The following INO80 variants were observed in gnomAD, a reference collection of about 807,000 sequenced individuals.
INO80 encodes the protein INO80 complex ATPase subunit.
Under a neutral mutation model 203.4 loss-of-function variants are expected in INO80, and 20 were observed. The observed-to-expected ratio is 0.10, with a 90% CI of 0.07 to 0.14. The LOEUF is 0.14. Ranked by LOEUF, INO80 falls within the 10% of genes least tolerant of loss-of-function variation. INO80 has a pLI of 1.00. For missense variants in INO80, 1,419 were observed against 1,914.4 expected (o/e 0.74, Z 4.83); for synonymous variants, 726 against 685.2 (o/e 1.06, Z -0.93).
At chr15:41,016,314 G>A (rs1279530008) in intron 26 of INO80, 99 bp from the exon 27 acceptor site, 29 of 1,170,478 alleles carry the variant, frequency 2.5e-5, no homozygotes, top group Non-Finnish European at 3.4e-5. Context: ...CTAAAACCAA[G>A]ATGCTTGTCA....
intron 24 of INO80, among the ~76,000 whole-genome samples, chr15:41,034,954 C>T (rs986881047): frequency 3.3e-5 from 5 of 152,038 alleles, no homozygotes; most frequent in African/African-American, 1.2e-4. Context: ...AAATACAGAG[C>T]TTGCAATGAA....
At chr15:41,110,680 C>T (rs998226031) in intron 1 of INO80, among the ~76,000 whole-genome samples, 7 of 152,174 alleles carry the variant, frequency 4.6e-5, no homozygotes, top group African/African-American at 1.7e-4. Flanking sequence ...ATTTGCCTGC[C>T]TTGGTCTCCC....
chr15:41,049,185 C>T (rs2044819884), intron 21 of INO80, 102 bp downstream of exon 21: 2 of 935,590 alleles, frequency 2.1e-6, no homozygotes, highest in Middle Eastern at 2.6e-4. Flanking sequence ...TTAAATGTCT[C>T]ATTGCTGGGA....
At chr15:41,007,775 A>AAAAC (rs1555399032) in intron 27 of INO80, among the ~76,000 whole-genome samples, 1 of 151,666 alleles carries the variant, frequency 6.6e-6, no homozygotes, top group Non-Finnish European at 1.5e-5. Context: ...CAAAAAAAAA[A>AAAAC]AAAACAAGAA....
intron 24 of INO80, among the ~76,000 whole-genome samples, chr15:41,031,201 A>G (rs1461747884): frequency 6.6e-6 from 1 of 152,082 alleles, no homozygotes; most frequent in Non-Finnish European, 1.5e-5. Context: ...AATCTGGTTT[A>G]GTATATGTGA....
At chr15:41,038,018 T>C (rs1377073729) in intron 24 of INO80, among the ~76,000 whole-genome samples, 2 of 137,126 alleles carry the variant, frequency 1.5e-5, no homozygotes, top group Admixed American at 7.2e-5. Context: ...TTTCTTTTTT[T>C]TTTTTTTTTT....
chr15:40,983,096 CAAAAGGGAAAGAAAAAAAAAAAAAGT>C lies in INO80; in HGVS notation c.4238-45_4238-20del. On this transcript the variant is annotated intron_variant, in intron 34 of 35. Transcript: ENST00000648947. ...GAAATTCCTGTGGGAACAAATGGGC[CAAAAGGGAAAGAAAAAAAAAAAAAGT>C]CAATCTCCAAGATGTTAACATCACC... 2.6e-6 allele frequency: 4 copies of C among 1,536,400 alleles called. No individual in the cohort carries two copies. The highest frequency in any genetic ancestry group is 2.7e-6 in the Non-Finnish European group (3 of 1,127,828).
intron 31 of INO80, among the ~76,000 whole-genome samples, chr15:40,986,027 G>A (rs1283798742): frequency 6.6e-6 from 1 of 152,182 alleles, no homozygotes; most frequent in African/African-American, 2.4e-5. Flanking sequence ...GTTTTAGAAG[G>A]TGCTGGCAAA....
intron 28 of INO80, among the ~76,000 whole-genome samples, chr15:41,005,102 CAAG>C (rs1305126855): frequency 7.1e-6 from 1 of 140,572 alleles, no homozygotes; most frequent in African/African-American, 2.6e-5. Context: ...GGCCGAGGCA[CAAG>C]AATTGTTTGA....
intron 18 of INO80, 77 bp downstream of exon 18, chr15:41,055,170 A>C: frequency 1.3e-6 from 1 of 743,824 alleles, no homozygotes; most frequent in Admixed American, 2.5e-5. Flanking sequence ...AAAATTATTC[A>C]AATAAAAGAA....
chr15:41,095,978 A>G, intron 2 of INO80, 50 bp from the exon 3 acceptor site: 1 of 1,550,674 alleles, frequency 6.4e-7, no homozygotes, highest in Non-Finnish European at 8.8e-7. Context: ...AATAAAATAT[A>G]ATTTAAAGTT....
intron 24 of INO80, among the ~76,000 whole-genome samples, chr15:41,043,642 C>T (rs931593008): frequency 6.6e-6 from 1 of 152,168 alleles, no homozygotes; most frequent in Non-Finnish European, 1.5e-5. Flanking sequence ...AAAACTACCC[C>T]ATAACATTTT....
intron 29 of INO80, among the ~76,000 whole-genome samples, chr15:40,993,323 C>T (rs1244608381): frequency 6.6e-6 from 1 of 151,892 alleles, no homozygotes; most frequent in African/African-American, 2.4e-5. Context: ...GAAACTATTC[C>T]TTAAGAAACC....
intron 10 of INO80, 28 bp downstream of exon 10, chr15:41,074,342 T>G (rs1434225013): frequency 1.3e-6 from 2 of 1,522,014 alleles, no homozygotes; most frequent in Admixed American, 4.2e-5. Context: ...AGAGGTAGCC[T>G]TCCTCTAAGT....
chr15:40,983,710 C>T lies in INO80; in HGVS notation c.4237+52G>A. On this transcript the variant is annotated intron_variant, in intron 34 of 35. Transcript: ENST00000648947. ...AATCAGGACCTTACCCACAACCAAA[C>T]CAGTGCTGGGCAGTGGACCAGGCCC... is the stretch of plus-strand genomic sequence containing the variant. 2.6e-6 allele frequency: 4 copies of T among 1,549,250 alleles called. No homozygotes were observed. The South Asian group carries it at 4.5e-5, about 17-fold the overall frequency.
At chr15:41,093,837 C>G (rs1340560888) in intron 4 of INO80, among the ~76,000 whole-genome samples, 1 of 151,016 alleles carries the variant, frequency 6.6e-6, no homozygotes, top group Non-Finnish European at 1.5e-5. Flanking sequence ...AAAGTGAGAC[C>G]CTGTCTCAAA....
At chr15:41,050,272 A>G (rs1461390354) in intron 19 of INO80, among the ~76,000 whole-genome samples, 170 bp from the exon 20 acceptor site, 1 of 152,174 alleles carries the variant, frequency 6.6e-6, no homozygotes, top group Non-Finnish European at 1.5e-5. Flanking sequence ...AAAAAAATGT[A>G]TATTCCTTGG....
At chr15:41,038,047 C>T (rs796184368) in intron 24 of INO80, among the ~76,000 whole-genome samples, 30 of 100,866 alleles carry the variant, frequency 3.0e-4, no homozygotes, top group African/African-American at 1.2e-3. Context: ...TGGAGTCTTG[C>T]TTTGTCGTCC....
Position 40,983,914 on chromosome 15 carries a change from A to G in INO80, c.4085T>C (p.Ile1362Thr). The change falls in exon 34 of 36, where the codon ATC becomes ACC. Residue 1362 changes from isoleucine (I) to threonine (T), a missense_variant. Physicochemically the swap from Ile to Thr is moderately conservative, Grantham distance 89. Transcript: ENST00000648947. ...AMPSPFSEIS[I>T]SSELHTGSIP... ...GGAGCCAGTGTGCAGCTCACTGCTG[A>G]TGGAGATCTAGAAGAGGAAGGGTTA... The G allele has an allele frequency of 6.2e-7, 1 of 1,613,560 alleles. No homozygotes were observed. The highest frequency in any genetic ancestry group is 8.5e-7 in the Non-Finnish European group (1 of 1,179,960).
Sources: gnomAD v4.1 joint callset for allele counts (sites outside exome capture counted in the v4.1 genomes callset) on GRCh38, gnomAD v4.1.1 for gene constraint, MANE v1.5 for transcripts, NCBI Gene and HGNC (gene_info 2026-07-23, HGNC 2026-07-21) for gene names.